MCM9: variants seen among roughly 807,000 people sequenced by gnomAD.
The protein encoded by MCM9 is minichromosome maintenance 9 homologous recombination repair factor.
In MCM9, 55 loss-of-function variants were observed where a neutral mutation model predicts 72.8. The ratio of observed to expected loss-of-function variants is 0.76; its 90% CI spans 0.61 to 0.95. The LOEUF (loss-of-function observed/expected upper bound fraction) is 0.95, where lower values mean the gene tolerates loss of function less well. MCM9 is among the 40% of genes least tolerant of loss of function. MCM9 has a pLI of 0.00. For missense variants in MCM9, 1,279 were observed against 1,377.0 expected, an observed-to-expected ratio of 0.93 and a Z score of 1.13; for synonymous variants, 480 against 503.4, an observed-to-expected ratio of 0.95 and a Z score of 0.62.
intron 13 of MCM9, among the ~76,000 whole-genome samples, chr6:118,819,028 A>G (rs1015299656): frequency 7.9e-5 from 12 of 152,144 alleles, no homozygotes; most frequent in Admixed American, 2.0e-4. Context: ...GGGTGAGATG[A>G]TGGGGTTTTC....
chr6:118,818,088 C>T (rs1022051820), intron 13 of MCM9, among the ~76,000 whole-genome samples: 8 of 152,108 alleles, frequency 5.3e-5, no homozygotes, highest in Non-Finnish European at 1.0e-4. Context: ...TGCCTGTTCA[C>T]TCTGATGATA....
rs569101543 is a variant in MCM9 at position 118,863,859 on chromosome 6, C to CT, written c.1151-7315dup. 2.2e-3 allele frequency among the ~76,000 whole-genome samples: 333 copies of CT among 151,982 alleles called. 1 individual carries two copies. Among genetic ancestry groups the CT allele is most frequent in the South Asian group, 0.01 (50 of 4,818 alleles). On this transcript the variant is annotated intron_variant, in intron 8 of 13. Transcript: ENST00000619706. ...ATCCAGCACTCTAAGAAATAAATCCCTTTTTTTTATAAACTACCCAGTCTT... is the reference window on the plus strand; with the variant it reads ...ATCCAGCACTCTAAGAAATAAATCCCTTTTTTTTTATAAACTACCCAGTCTT...
At position 118,843,682 on chromosome 6, in the gene MCM9, ATATGTG is replaced by A. The variant is rs1365302536; in HGVS notation, c.1325+12683_1325+12688del. ...TGTATATATATATGTATGTATATAT[ATATGTG>A]TATATATATATATATGTATGTATAT... On this transcript the variant is annotated intron_variant, in intron 9 of 13. Coordinates refer to ENST00000619706, the MANE Select transcript of MCM9 (RefSeq NM_017696.3). Among the ~76,000 whole-genome samples the A allele has an allele frequency of 5.5e-4, 45 of 81,776 alleles. 1 individual carries two copies. In the East Asian group the frequency reaches 6.4e-3, roughly 12 times the overall value. The allele number at this position is 81,776 out of a possible 152,430, so 53.6% of individuals were successfully genotyped here. A position where few individuals can be genotyped will look rare whatever the true frequency, so the allele number is the denominator to read the frequency against.
chr6:118,867,332 T>A (rs1777279062), intron 8 of MCM9, among the ~76,000 whole-genome samples: 1 of 152,192 alleles, frequency 6.6e-6, no homozygotes, highest in Non-Finnish European at 1.5e-5. Context: ...GTGATGTCCA[T>A]TATAACGCTG....
At chr6:118,927,385 C>T (rs1005303645) in intron 3 of MCM9, among the ~76,000 whole-genome samples, 4 of 152,106 alleles carry the variant, frequency 2.6e-5, no homozygotes, top group Non-Finnish European at 4.4e-5. Flanking sequence ...AGGTGGATCA[C>T]CTGAGGTTGG....
rs1364061772 is a variant in MCM9, at chr6:118,823,586, G to T, written c.1961+2561C>A. Among the ~76,000 whole-genome samples, 4 of 152,158 alleles carry T rather than the reference G, an allele frequency of 2.6e-5. No homozygotes were observed. The East Asian group carries it at 7.7e-4, about 29-fold the overall frequency. On this transcript the variant is annotated intron_variant, in intron 13 of 13. Transcript: ENST00000619706. Reference sequence around the variant, plus strand: ...TATTTTCATTTCAAATTTCCCTTTGGTCATGAGGGAGGATGACTTCCTAAT... The same window carrying T: ...TATTTTCATTTCAAATTTCCCTTTGTTCATGAGGGAGGATGACTTCCTAAT...
intron 13 of MCM9, among the ~76,000 whole-genome samples, chr6:118,822,087 A>T (rs996438603): frequency 6.6e-6 from 1 of 152,012 alleles, no homozygotes; most frequent in African/African-American, 2.4e-5. Context: ...TTTAGCTTGG[A>T]GGAGTTTGTT....
intron 8 of MCM9, among the ~76,000 whole-genome samples, chr6:118,894,904 A>C (rs1779256921): frequency 6.6e-6 from 1 of 151,996 alleles, no homozygotes; most frequent in Non-Finnish European, 1.5e-5. Flanking sequence ...GGAGGCTGGG[A>C]AGGGAGAGGC....
chr6:118,815,789 G>A lies in MCM9; in HGVS notation c.2467C>T (p.Leu823=). The A allele has an allele frequency of 6.5e-7, 1 of 1,539,814 alleles. No individual in the cohort carries two copies. Among genetic ancestry groups the A allele is most frequent in the African/African-American group, 1.4e-5 (1 of 73,144 alleles). ...DNVESNKKKR[L]ALDSEAAVSA... ...ACTGCTGCTTCAGAATCTAGTGCTAGCCTTTTTTTCTTGTTACTTTCCACA... is the reference window on the plus strand; with the variant it reads ...ACTGCTGCTTCAGAATCTAGTGCTAACCTTTTTTTCTTGTTACTTTCCACA... Residue 823 remains leucine (L), a synonymous_variant, in exon 14 of 14, where the codon CTA becomes TTA. Coordinates refer to ENST00000619706, the MANE Select transcript of MCM9 (RefSeq NM_017696.3).
At chr6:118,825,671 C>A (rs1055996490) in intron 13 of MCM9, among the ~76,000 whole-genome samples, 17 of 152,160 alleles carry the variant, frequency 1.1e-4, no homozygotes, top group African/African-American at 3.9e-4. Context: ...CGGGAGTATG[C>A]GAACATTAAT....
At position 118,815,331 on chromosome 6, in the gene MCM9, T is replaced by C. The variant is rs752704800; in HGVS notation, c.2925A>G (p.Thr975=). The C allele has an allele frequency of 1.7e-5, 27 of 1,550,438 alleles. No individual in the cohort carries two copies. The highest frequency in any genetic ancestry group is 3.9e-5 in the Admixed American group (2 of 50,960). ...ALPVKRPGKL[T]STPGNQISSQ... ...TGGAGATCTGGTTTCCTGGGGTAGA[T>C]GTTAACTTTCCTGGACGCTTCACCG... Residue 975 remains threonine, a synonymous_variant, in exon 14 of 14, where the codon ACA becomes ACG. Coordinates refer to ENST00000619706, the MANE Select transcript of MCM9 (RefSeq NM_017696.3).
At chr6:118,827,526 G>A (rs1213699618) in intron 11 of MCM9, among the ~76,000 whole-genome samples, 1 of 152,164 alleles carries the variant, frequency 6.6e-6, no homozygotes, top group African/African-American at 2.4e-5. Flanking sequence ...TATAATGACA[G>A]GGGTGGACTG....
At chr6:118,925,048 AAAAG>A (rs1474095351) in intron 3 of MCM9, among the ~76,000 whole-genome samples, 11 of 151,972 alleles carry the variant, frequency 7.2e-5, no homozygotes, top group East Asian at 3.9e-4. Context: ...TGTCCAAAAA[AAAAG>A]AAAGACAGGG....
intron 8 of MCM9, among the ~76,000 whole-genome samples, chr6:118,893,672 T>C (rs1295635599): frequency 6.6e-6 from 1 of 152,078 alleles, no homozygotes; most frequent in Non-Finnish European, 1.5e-5. Context: ...GTCTATAACA[T>C]GCAATTTATT....
intron 9 of MCM9, among the ~76,000 whole-genome samples, chr6:118,840,906 T>G (rs181264792): frequency 6.6e-6 from 1 of 152,148 alleles, no homozygotes; most frequent in East Asian, 1.9e-4. Flanking sequence ...CCTGGATAAT[T>G]GTACTTTCTG....
Position 118,815,812 on chromosome 6 carries a change from A to G in MCM9, c.2444T>C (p.Val815Ala). The G allele has an allele frequency of 3.2e-6, 5 of 1,538,980 alleles. No individual in the cohort carries two copies. The highest frequency in any genetic ancestry group is 4.4e-6 in the Non-Finnish European group (5 of 1,146,974). The change falls in exon 14 of 14, where the codon GTG becomes GCG. Residue 815 changes from valine (V) to alanine (A), a missense_variant. By Grantham distance (64) the Val-to-Ala change is moderately conservative (BLOSUM62 0). Transcript: ENST00000619706. ...TAGCCTTTTTTTCTTGTTACTTTCC[A>G]CATTGTCTGCCCTCCATGGAACACC... ...ETGVPWRADN[V>A]ESNKKKRLAL...
chr6:118,875,720 G>T (rs1449704685), intron 8 of MCM9, among the ~76,000 whole-genome samples: 3 of 152,008 alleles, frequency 2.0e-5, no homozygotes, highest in Admixed American at 6.6e-5. Flanking sequence ...GTAATCCAAA[G>T]AACTGACAAC....
intron 3 of MCM9, among the ~76,000 whole-genome samples, chr6:118,926,230 T>C (rs1334675436): frequency 6.6e-6 from 1 of 152,168 alleles, no homozygotes; most frequent in Non-Finnish European, 1.5e-5. Flanking sequence ...AAATTGAAAA[T>C]GTTGTAAGTT....
At chr6:118,829,453 A>G (rs1377087564) in intron 9 of MCM9, among the ~76,000 whole-genome samples, 1 of 152,240 alleles carries the variant, frequency 6.6e-6, no homozygotes, top group Non-Finnish European at 1.5e-5. Flanking sequence ...AAGAGAAGTA[A>G]CCGTTCAATA....
Sources: gnomAD v4.1 joint callset for allele counts (sites outside exome capture counted in the v4.1 genomes callset) on GRCh38, gnomAD v4.1.1 for gene constraint, MANE v1.5 for transcripts, NCBI Gene and HGNC (gene_info 2026-07-23, HGNC 2026-07-21) for gene names.